Variants in ARHGEF11 observed in about 807,000 individuals in gnomAD.
ARHGEF11 encodes the protein Rho guanine exchange factor (GEF) 11.
A neutral mutation model predicts 193.7 loss-of-function variants in ARHGEF11; 55 were observed. The observed-to-expected ratio is 0.28, with a 90% CI of 0.23 to 0.36. The LOEUF (loss-of-function observed/expected upper bound fraction) is 0.36, where lower values mean the gene tolerates loss of function less well. Among genes scored for constraint, ARHGEF11 ranks in the 10% least tolerant of loss-of-function variants. The pLI, the probability that ARHGEF11 is intolerant of heterozygous loss-of-function variation, is 1.00. For missense variants in ARHGEF11, 1,723 were observed against 2,005.6 expected (o/e 0.86, Z 2.69); for synonymous variants, 693 against 768.0 (o/e 0.90, Z 1.62).
intron 1 of ARHGEF11, among the ~76,000 whole-genome samples, chr1:157,027,739 T>G (rs1352677827): frequency 6.6e-6 from 1 of 152,224 alleles, no homozygotes; most frequent in Non-Finnish European, 1.5e-5. Flanking sequence ...TCTTCTCCCC[T>G]GATCCTGGGT....
At chr1:156,942,830 T>G (rs769452721) in intron 32 of ARHGEF11, 50 bp from the exon 33 acceptor site, 1 of 1,517,082 alleles carries the variant, frequency 6.6e-7, no homozygotes, top group Middle Eastern at 1.7e-4. Flanking sequence ...ATGGCAGGTG[T>G]GACTGCAGCC....
intron 1 of ARHGEF11, among the ~76,000 whole-genome samples, chr1:157,038,066 TC>T (rs1280108997): frequency 7.2e-6 from 1 of 138,874 alleles, no homozygotes; most frequent in Non-Finnish European, 1.5e-5. Context: ...GAATGTAAGC[TC>T]TATGTTCTCC....
intron 18 of ARHGEF11, among the ~76,000 whole-genome samples, chr1:156,957,227 T>G (rs1557857064): frequency 1.3e-5 from 2 of 152,204 alleles, no homozygotes; most frequent in East Asian, 3.8e-4. Context: ...ATTTCCCTCT[T>G]AAACAGACTC....
chr1:156,954,776 G>C, intron 21 of ARHGEF11, 116 bp downstream of exon 21: 1 of 885,572 alleles, frequency 1.1e-6, no homozygotes, highest in Non-Finnish European at 1.8e-6. Context: ...AAGAAAGAAA[G>C]GGAGGGAGGA....
intron 11 of ARHGEF11, 55 bp from the exon 12 acceptor site, chr1:156,963,649 A>T: frequency 6.3e-7 from 1 of 1,593,354 alleles, no homozygotes; most frequent in Non-Finnish European, 8.5e-7. Context: ...CAGAGGATTC[A>T]ACCACCTCAG....
At chr1:157,024,299 T>C (rs1391251836) in intron 1 of ARHGEF11, among the ~76,000 whole-genome samples, 1 of 152,200 alleles carries the variant, frequency 6.6e-6, no homozygotes, top group African/African-American at 2.4e-5. Flanking sequence ...GAGAAGTGAC[T>C]GCTAATGGGC....
At chr1:156,949,061 C>A in intron 22 of ARHGEF11, 1 of 985,450 alleles carries the variant, frequency 1.0e-6, no homozygotes, top group South Asian at 4.7e-5. Flanking sequence ...AAAGTTCTAT[C>A]TGCTGCTGGA....
Position 156,957,823 on chromosome 1 carries a change from G to A in ARHGEF11, c.1503-8C>T, listed in dbSNP as rs1317424186. The A allele has an allele frequency of 6.8e-6, 11 of 1,613,932 alleles. No homozygotes were observed. The highest frequency in any genetic ancestry group is 8.5e-6 in the Non-Finnish European group (10 of 1,179,946). On this transcript the variant is annotated splice_region_variant and splice_polypyrimidine_tract_variant and intron_variant, in intron 17 of 40. Coordinates refer to ENST00000368194, the MANE Select transcript of ARHGEF11 (RefSeq NM_198236.3). The stretch of plus-strand genomic sequence containing the variant: ...TCTTCCTCATACTTGGACCTGGAAT[G>A]GAAGAAAGAACAGATGACTCAGACT...
In ARHGEF11 at chr1:156,956,560, G is replaced by C. The variant is rs1367588277; in HGVS notation, c.1531C>G (p.Pro511Ala). Residue 511 changes from proline (P) to alanine (A), a missense_variant, in exon 19 of 41, where the codon CCC (proline) becomes GCC (alanine). Coordinates refer to ENST00000368194, the MANE Select transcript of ARHGEF11 (RefSeq NM_198236.3). ...LSKYEEDRSA[P>A]MDFALNTYMS... ...TAGGTATTGAGGGCGAAGTCCATGG[G>C]GGCGCTGTAAAAGAGGAACAGTGTC... The C allele has an allele frequency of 6.2e-7, 1 of 1,614,026 alleles. No homozygotes were observed. Among genetic ancestry groups the C allele is most frequent in the African/African-American group, 1.3e-5 (1 of 74,918 alleles).
intron 1 of ARHGEF11, among the ~76,000 whole-genome samples, chr1:157,031,501 G>T (rs1467054378): frequency 6.6e-6 from 1 of 152,208 alleles, no homozygotes; most frequent in Non-Finnish European, 1.5e-5. Context: ...AGAATTGCCA[G>T]GCCATGTCAT....
rs57140356 is a variant in ARHGEF11 at position 156,991,710 on chromosome 1, A to ATTTT, written c.33-5541_33-5538dup. On this transcript the variant is annotated intron_variant, in intron 1 of 40. Coordinates refer to ENST00000368194, the MANE Select transcript of ARHGEF11 (RefSeq NM_198236.3). Reference sequence around the variant, plus strand: ...TTAGGGTTTTCTTTTTTTCAAGCTTATTTTTTTTTTTTTTTTTTTTTTTTG... The same window carrying ATTTT: ...TTAGGGTTTTCTTTTTTTCAAGCTTATTTTTTTTTTTTTTTTTTTTTTTTTTTTG... 2.3e-3 allele frequency among the ~76,000 whole-genome samples: 196 copies of ATTTT among 83,952 alleles called. 6 individuals carry two copies. Among genetic ancestry groups the ATTTT allele is most frequent in the African/African-American group, 3.0e-3 (69 of 22,918 alleles). 55.1% of individuals were successfully genotyped at this position (83,952 alleles called of 152,430 possible).
rs1293616926 is a variant in ARHGEF11, at chr1:156,977,060, C to G, written c.511-6G>C. On this transcript the variant is annotated splice_region_variant and splice_polypyrimidine_tract_variant and intron_variant, in intron 6 of 40. Transcript: ENST00000368194. ...TGTTTTTGAACTTCGGGATCCTAGA[C>G]ATGGAAAATATGGCAATATAAGAGT... is the stretch of plus-strand genomic sequence containing the variant. 6.2e-7 allele frequency: 1 copy of G among 1,613,590 alleles called. No homozygotes were observed. The highest frequency in any genetic ancestry group is 1.1e-5 in the South Asian group (1 of 91,064).
At chr1:156,966,989 A>G (rs2102250659) in intron 11 of ARHGEF11, among the ~76,000 whole-genome samples, 1 of 152,360 alleles carries the variant, frequency 6.6e-6, no homozygotes, top group African/African-American at 2.4e-5. Context: ...GGCAATAACC[A>G]TCAGTTTCTT....
Position 157,005,041 on chromosome 1 carries a change from A to T in ARHGEF11, c.33-18868T>A, listed in dbSNP as rs892655943. Among the ~76,000 whole-genome samples, 8 of 152,338 alleles carry T rather than the reference A, an allele frequency of 5.3e-5. No individual in the cohort carries two copies. In the East Asian group the frequency reaches 9.6e-4, roughly 18 times the overall value. ...GCTCCTTCTAATCTTGGCTAACAGG[A>T]AGGAATGCCAGGCCTTGCCTTCGTT... On this transcript the variant is annotated intron_variant, in intron 1 of 40. Coordinates refer to ENST00000368194, the MANE Select transcript of ARHGEF11 (RefSeq NM_198236.3).
chr1:156,987,864 C>T (rs887077421), intron 1 of ARHGEF11, among the ~76,000 whole-genome samples: 1 of 152,130 alleles, frequency 6.6e-6, no homozygotes. Flanking sequence ...AGACAAGACA[C>T]TAGGGATGGT....
Position 156,940,577 on chromosome 1 carries a change from C to G in ARHGEF11, c.3515-152G>C, listed in dbSNP as rs1012133010. Reference sequence around the variant, plus strand: ...TTCCCATGGCCAGCACTGTCCCAGGCTCTTGGCATACAACAGTAAGCAAAA... The same window carrying G: ...TTCCCATGGCCAGCACTGTCCCAGGGTCTTGGCATACAACAGTAAGCAAAA... On this transcript the variant is annotated intron_variant, in intron 35 of 40. Coordinates refer to ENST00000368194, the MANE Select transcript of ARHGEF11 (RefSeq NM_198236.3). 4.6e-5 allele frequency: 28 copies of G among 613,714 alleles called. No individual in the cohort carries two copies. In the Middle Eastern group the frequency reaches 1.9e-3, roughly 41 times the overall value. The allele number at this position is 613,714 out of a possible 1,614,324, so 38.0% of individuals were successfully genotyped here.
At chr1:157,036,144 T>C (rs1489917647) in intron 1 of ARHGEF11, among the ~76,000 whole-genome samples, 1 of 142,196 alleles carries the variant, frequency 7.0e-6, no homozygotes, top group Admixed American at 7.2e-5. Flanking sequence ...TATATGAATA[T>C]ATGAATACAT....
At chr1:157,026,895 G>T (rs562970928) in intron 1 of ARHGEF11, among the ~76,000 whole-genome samples, 1 of 152,302 alleles carries the variant, frequency 6.6e-6, no homozygotes, top group South Asian at 2.1e-4. Context: ...GAAAACAAAC[G>T]GGTGGAGAAC....
intron 1 of ARHGEF11, among the ~76,000 whole-genome samples, chr1:157,013,885 T>A (rs901846176): frequency 1.1e-4 from 17 of 152,206 alleles, no homozygotes; most frequent in African/African-American, 3.9e-4. Context: ...GCTGATCACC[T>A]ACGGCAGCAG....
Sources: allele counts gnomAD v4.1 joint callset (sites outside exome capture counted in the v4.1 genomes callset), GRCh38; gene constraint gnomAD v4.1.1; transcripts MANE v1.5; gene names NCBI Gene and HGNC (gene_info 2026-07-23, HGNC 2026-07-21).